The following TINAG variants were observed in gnomAD, a reference collection of about 807,000 sequenced individuals.
TINAG encodes the protein tubulointerstitial nephritis antigen.
In TINAG, 83 loss-of-function variants were observed where a neutral mutation model predicts 72.7. The ratio of observed to expected loss-of-function variants is 1.14; its 90% CI spans 0.96 to 1.37. TINAG has a LOEUF of 1.37. Ranked by LOEUF, TINAG falls within the 40% of genes most tolerant of loss-of-function variation. The probability of loss-of-function intolerance (pLI) is 0.00; values close to 1 mark genes in which losing one functional copy is unlikely to be tolerated. For synonymous variants in TINAG, 234 were observed against 189.9 expected, an observed-to-expected ratio of 1.23 and a Z score of -1.91; for missense variants, 685 against 576.6, an observed-to-expected ratio of 1.19 and a Z score of -1.93.
Position 54,382,024 on chromosome 6 carries a change from C to T in TINAG, c.1296+1453C>T, listed in dbSNP as rs913093953. Among the ~76,000 whole-genome samples, 8 of 152,194 alleles carry T rather than the reference C, an allele frequency of 5.3e-5. 1 individual carries two copies. Among genetic ancestry groups the T allele is most frequent in the South Asian group, 4.1e-4 (2 of 4,824 alleles). ...GTGTACACACACACACATACACATA[C>T]GCTGAGTATGATTATCTACTCACTC... On this transcript the variant is annotated intron_variant, in intron 10 of 10. Transcript: ENST00000259782.
chr6:54,349,944 A>G (rs760006394), intron 7 of TINAG, 48 bp downstream of exon 7: 1 of 1,333,074 alleles, frequency 7.5e-7, no homozygotes, highest in East Asian at 2.6e-5. Flanking sequence ...TCTCAAATGT[A>G]TATAGCTCTA....
intron 3 of TINAG, among the ~76,000 whole-genome samples, chr6:54,321,629 G>A (rs1454243719): frequency 6.6e-6 from 1 of 152,148 alleles, no homozygotes; most frequent in East Asian, 1.9e-4. Flanking sequence ...TCGTGGTGTA[G>A]GTAAGGGAAG....
chr6:54,334,301 A>G (rs1305731320), intron 4 of TINAG, among the ~76,000 whole-genome samples: 1 of 152,186 alleles, frequency 6.6e-6, no homozygotes, highest in East Asian at 1.9e-4. Flanking sequence ...AGCTCTCAGC[A>G]TCTTTAGCAG....
At chr6:54,344,440 C>G (rs947779340) in intron 5 of TINAG, among the ~76,000 whole-genome samples, 47 of 152,028 alleles carry the variant, frequency 3.1e-4, no homozygotes, top group African/African-American at 1.1e-3. Flanking sequence ...CCTTTCTGAG[C>G]TAAAATTTGT....
rs776438578 is a variant in TINAG at position 54,308,635 on chromosome 6, G to A, written c.85G>A (p.Val29Met). The A allele has an allele frequency of 4.3e-6, 7 of 1,613,782 alleles. No homozygotes were observed. In the South Asian group the frequency reaches 7.7e-5, roughly 18 times the overall value. The change falls in exon 1 of 11, where the codon GTG becomes ATG. Residue 29 changes from valine (V) to methionine (M), a missense_variant. Physicochemically the swap from Val to Met is conservative, Grantham distance 21. Coordinates refer to ENST00000259782, the MANE Select transcript of TINAG (RefSeq NM_014464.4). Reference sequence around the variant, plus strand: ...GAAGCAGTATTTATCTCAAAGAGAAGTGGACCTAGAGGCTTATTTCACTAG... The same window carrying A: ...GAAGCAGTATTTATCTCAAAGAGAAATGGACCTAGAGGCTTATTTCACTAG... ...MEKQYLSQRE[V>M]DLEAYFTRNH...
At chr6:54,311,466 T>C (rs1293503580) in intron 1 of TINAG, among the ~76,000 whole-genome samples, 1 of 152,204 alleles carries the variant, frequency 6.6e-6, no homozygotes, top group Non-Finnish European at 1.5e-5. Context: ...GCCAGATGGC[T>C]CTCAGAAGTA....
At chr6:54,314,972 A>AT (rs200398551) in intron 1 of TINAG, among the ~76,000 whole-genome samples, 4 of 151,872 alleles carry the variant, frequency 2.6e-5, no homozygotes, top group African/African-American at 4.8e-5. Flanking sequence ...CATACAGATA[A>AT]TTTTTTTTCT....
intron 8 of TINAG, 34 bp downstream of exon 8, chr6:54,351,431 C>A: frequency 6.3e-7 from 1 of 1,593,346 alleles, no homozygotes; most frequent in Non-Finnish European, 8.6e-7. Context: ...TTTTCTTACT[C>A]ATTCCTTTAA....
intron 4 of TINAG, among the ~76,000 whole-genome samples, chr6:54,331,230 C>T (rs1167509367): frequency 6.6e-6 from 1 of 152,148 alleles, no homozygotes; most frequent in African/African-American, 2.4e-5. Context: ...CAAACTGAAT[C>T]CAGCAGCACA....
intron 8 of TINAG, among the ~76,000 whole-genome samples, chr6:54,353,504 AC>A (rs1242868568): frequency 6.6e-6 from 1 of 151,896 alleles, no homozygotes; most frequent in East Asian, 1.9e-4. Context: ...TGGATAGAGA[AC>A]AAAAGCAGAG....
chr6:54,310,685 TTTC>T (rs752580772), intron 1 of TINAG, among the ~76,000 whole-genome samples: 21 of 127,008 alleles, frequency 1.7e-4, no homozygotes, highest in African/African-American at 2.0e-4. Flanking sequence ...TCCCTCTTTC[TTTC>T]TTCTTTTTTC....
intron 1 of TINAG, among the ~76,000 whole-genome samples, chr6:54,312,611 A>G (rs1468576418): frequency 2.0e-5 from 3 of 152,228 alleles, no homozygotes; most frequent in Admixed American, 1.3e-4. Context: ...AACAGTCTGA[A>G]GAGAATAAAG....
chr6:54,366,768 C>T (rs1459719693), intron 9 of TINAG, among the ~76,000 whole-genome samples: 1 of 151,508 alleles, frequency 6.6e-6, no homozygotes, highest in Non-Finnish European at 1.5e-5. Flanking sequence ...AAAATGACAC[C>T]TACTGTGGAA....
chr6:54,340,166 A>G (rs1439611032), intron 4 of TINAG, among the ~76,000 whole-genome samples: 3 of 152,276 alleles, frequency 2.0e-5, no homozygotes, highest in Non-Finnish European at 4.4e-5. Flanking sequence ...AAAATACTGA[A>G]ACAGGGAGAC....
At chr6:54,371,304 C>T (rs543513598) in intron 9 of TINAG, among the ~76,000 whole-genome samples, 5 of 152,090 alleles carry the variant, frequency 3.3e-5, no homozygotes, top group African/African-American at 9.6e-5. Context: ...TATGATCTCT[C>T]TACATCATGG....
intron 8 of TINAG, among the ~76,000 whole-genome samples, chr6:54,353,834 C>A (rs1196517282): frequency 6.6e-6 from 1 of 151,748 alleles, no homozygotes; most frequent in Non-Finnish European, 1.5e-5. Context: ...AAATTCATAT[C>A]TTCTATAAGA....
intron 4 of TINAG, among the ~76,000 whole-genome samples, chr6:54,327,715 T>A (rs541783949): frequency 1.3e-5 from 2 of 152,266 alleles, no homozygotes; most frequent in South Asian, 4.2e-4. Context: ...CTTGACATTC[T>A]CACTGCCAGC....
chr6:54,366,081 T>C (rs1051526599), intron 9 of TINAG, among the ~76,000 whole-genome samples: 50 of 151,622 alleles, frequency 3.3e-4, no homozygotes, highest in African/African-American at 1.2e-3. Context: ...ACAACTGTAG[T>C]AGAACTCTCA....
At chr6:54,374,757 C>T (rs1320278575) in intron 9 of TINAG, among the ~76,000 whole-genome samples, 2 of 152,030 alleles carry the variant, frequency 1.3e-5, no homozygotes, top group East Asian at 1.9e-4. Context: ...TCCTGATAGC[C>T]TATCTGAGTT....
Sources: allele counts gnomAD v4.1 joint callset (sites outside exome capture counted in the v4.1 genomes callset), GRCh38; gene constraint gnomAD v4.1.1; transcripts MANE v1.5; gene names NCBI Gene and HGNC (gene_info 2026-07-23, HGNC 2026-07-21).